The following KIF26B variants were observed in gnomAD, a reference collection of about 807,000 sequenced individuals.
KIF26B encodes kinesin-like protein KIF26B.
Under a neutral mutation model 151.2 loss-of-function variants are expected in KIF26B, and 63 were observed. The ratio of observed to expected loss-of-function variants is 0.42; its 90% CI spans 0.34 to 0.51. The LOEUF (loss-of-function observed/expected upper bound fraction) is 0.51. Ranked by LOEUF, KIF26B falls within the 20% of genes least tolerant of loss-of-function variation. The pLI, the probability that KIF26B is intolerant of heterozygous loss-of-function variation, is 0.07. For missense variants in KIF26B, 2,813 were observed against 2,913.6 expected, an observed-to-expected ratio of 0.97 and a Z score of 0.79; for synonymous variants, 1,357 against 1,262.1, an observed-to-expected ratio of 1.08 and a Z score of -1.59.
chr1:245,566,718 A>C (rs1235341622), intron 5 of KIF26B, among the ~76,000 whole-genome samples: 1 of 152,190 alleles, frequency 6.6e-6, no homozygotes, highest in African/African-American at 2.4e-5. Context: ...TCAGAAGATC[A>C]GGAGTTCGAG....
At chr1:245,308,913 G>A (rs1467277022) in intron 2 of KIF26B, among the ~76,000 whole-genome samples, 1 of 152,216 alleles carries the variant, frequency 6.6e-6, no homozygotes, top group Non-Finnish European at 1.5e-5. Context: ...CCTACAGACT[G>A]CACCATGAGC....
intron 4 of KIF26B, among the ~76,000 whole-genome samples, chr1:245,464,758 A>G (rs550587385): frequency 1.3e-5 from 2 of 152,200 alleles, no homozygotes; most frequent in South Asian, 4.2e-4. Context: ...ACCAGAGTCC[A>G]GAAGACAGAC....
In KIF26B at chr1:245,688,476, G is replaced by C. The variant is rs1020808562; in HGVS notation, c.5493G>C (p.Ala1831=). The C allele has an allele frequency of 4.3e-6, 6 of 1,383,180 alleles. 1 individual carries two copies. In the South Asian group the frequency reaches 1.0e-4, roughly 24 times the overall value. 85.7% of individuals were successfully genotyped at this position (1,383,180 alleles called of 1,614,324 possible). The part of the protein sequence containing the change: ...LQLRAGPEAE[A]RGGALAEDEP... ...TGCGGGCCGGGCCCGAGGCGGAGGC[G>C]CGCGGGGGGGCCCTGGCCGAGGACG... The change falls in exon 12 of 15, where the codon GCG becomes GCC. Residue 1831 remains alanine (A), a synonymous_variant. Coordinates refer to ENST00000407071, the MANE Select transcript of KIF26B (RefSeq NM_018012.4).
chr1:245,692,263 A>G (rs2044635316), intron 12 of KIF26B, among the ~76,000 whole-genome samples: 1 of 152,144 alleles, frequency 6.6e-6, no homozygotes, highest in Admixed American at 6.5e-5. Context: ...AGGCCACTGT[A>G]AGAAGTTTGT....
intron 2 of KIF26B, among the ~76,000 whole-genome samples, chr1:245,173,300 C>T (rs190396325): frequency 1.3e-5 from 2 of 152,142 alleles, no homozygotes; most frequent in African/African-American, 2.4e-5. Context: ...ATGGTGGGGG[C>T]GTACATAATG....
chr1:245,279,733 A>G (rs1187805000), intron 2 of KIF26B, among the ~76,000 whole-genome samples: 2 of 151,700 alleles, frequency 1.3e-5, no homozygotes, highest in Non-Finnish European at 2.9e-5. Flanking sequence ...TTTCTCCCCA[A>G]GTAATCACTC....
At chr1:245,479,218 T>C (rs1246486175) in intron 4 of KIF26B, among the ~76,000 whole-genome samples, 1 of 151,868 alleles carries the variant, frequency 6.6e-6, no homozygotes, top group African/African-American at 2.4e-5. Flanking sequence ...TCCCATTTAT[T>C]CAAAGGACAA....
chr1:245,365,343 A>C (rs1018103805), intron 2 of KIF26B, among the ~76,000 whole-genome samples: 7 of 152,246 alleles, frequency 4.6e-5, no homozygotes, highest in African/African-American at 1.2e-4. Flanking sequence ...TTGCTGCTGC[A>C]GTGTAAAGAG....
chr1:245,699,153 A>G (rs922594299), intron 14 of KIF26B, 116 bp downstream of exon 14: 1 of 1,116,494 alleles, frequency 9.0e-7, no homozygotes, highest in Non-Finnish European at 1.3e-6. Context: ...CAGTCACAGG[A>G]TGCCCATCAA....
rs532660142 is a variant in KIF26B, at chr1:245,394,287, G to T, written c.1000-25292G>T. ...CAGGAGAGAGCAGTGCTCCATGCAT[G>T]TATTTAATCCACTAACTTTAACCAG... On this transcript the variant is annotated intron_variant, in intron 3 of 14. Transcript: ENST00000407071. Among the ~76,000 whole-genome samples, 28 of 152,290 alleles carry T rather than the reference G, an allele frequency of 1.8e-4. No individual in the cohort carries two copies. In the South Asian group the frequency reaches 4.4e-3, roughly 24 times the overall value.
At chr1:245,172,954 G>A (rs567286898) in intron 2 of KIF26B, among the ~76,000 whole-genome samples, 2 of 152,340 alleles carry the variant, frequency 1.3e-5, no homozygotes, top group East Asian at 3.9e-4. Context: ...CGATAGCCAT[G>A]TTCATAGCAG....
intron 4 of KIF26B, among the ~76,000 whole-genome samples, chr1:245,432,695 G>A (rs1207151512): frequency 1.3e-5 from 2 of 152,186 alleles, no homozygotes; most frequent in African/African-American, 2.4e-5. Context: ...AACTAAAGAT[G>A]TGTGATATTA....
chr1:245,541,268 G>C (rs1661615941), intron 5 of KIF26B, among the ~76,000 whole-genome samples: 1 of 152,206 alleles, frequency 6.6e-6, no homozygotes, highest in Non-Finnish European at 1.5e-5. Flanking sequence ...AGGAGACCGA[G>C]GGAGGCCACA....
chr1:245,270,746 TC>T (rs1480633497), intron 2 of KIF26B, among the ~76,000 whole-genome samples: 1 of 152,238 alleles, frequency 6.6e-6, no homozygotes, highest in African/African-American at 2.4e-5. Flanking sequence ...GTTGATGCTT[TC>T]CTTTGCTATT....
intron 4 of KIF26B, among the ~76,000 whole-genome samples, chr1:245,514,704 C>T (rs1043257449): frequency 3.9e-5 from 6 of 152,110 alleles, no homozygotes; most frequent in Non-Finnish European, 8.8e-5. Context: ...TCGTATCTTC[C>T]TCTAGGAGTC....
intron 3 of KIF26B, among the ~76,000 whole-genome samples, chr1:245,413,748 T>C (rs1674348754): frequency 1.3e-5 from 2 of 152,206 alleles, no homozygotes; most frequent in Non-Finnish European, 1.5e-5. Context: ...CATCTTCTAA[T>C]AGTGGACTGC....
intron 4 of KIF26B, among the ~76,000 whole-genome samples, chr1:245,455,742 C>G (rs1260901482): frequency 6.6e-6 from 1 of 152,116 alleles, no homozygotes; most frequent in East Asian, 1.9e-4. Context: ...CTGAGCAATG[C>G]TAGACTCTTG....
intron 2 of KIF26B, among the ~76,000 whole-genome samples, chr1:245,324,033 T>G (rs1573774895): frequency 9.6e-6 from 1 of 104,334 alleles, no homozygotes; most frequent in Admixed American, 1.1e-4. Context: ...TGGTTGGAGG[T>G]GGAGGTGGGG....
At chr1:245,575,081 G>A (rs990915031) in intron 5 of KIF26B, among the ~76,000 whole-genome samples, 6 of 150,536 alleles carry the variant, frequency 4.0e-5, no homozygotes, top group Non-Finnish European at 5.9e-5. Flanking sequence ...TAGCCAAGAT[G>A]GTCTCCATCT....
Sources: gnomAD v4.1 joint callset for allele counts (sites outside exome capture counted in the v4.1 genomes callset) on GRCh38, gnomAD v4.1.1 for gene constraint, MANE v1.5 for transcripts, NCBI Gene and HGNC (gene_info 2026-07-23, HGNC 2026-07-21) for gene names.